Variants in CCDC141 observed in about 807,000 individuals in gnomAD.
CCDC141 encodes the protein coiled-coil domain containing 141, also known as coiled-coil domain-containing protein 141.
CCDC141 carries 168 observed loss-of-function variants against 181.0 expected under a neutral mutation model. The ratio of observed to expected loss-of-function variants is 0.93; its 90% CI spans 0.82 to 1.05. The LOEUF (loss-of-function observed/expected upper bound fraction) is 1.05. Among genes scored for constraint, CCDC141 ranks in the 50% least tolerant of loss-of-function variants. The pLI is 0.00. For missense variants in CCDC141, 1,902 were observed against 1,788.5 expected, an observed-to-expected ratio of 1.06 and a Z score of -1.14; for synonymous variants, 666 against 642.3, an observed-to-expected ratio of 1.04 and a Z score of -0.56.
At chr2:178,965,994 C>A (rs113188283) in intron 4 of CCDC141, among the ~76,000 whole-genome samples, 2,320 of 152,300 alleles carry the variant, frequency 0.015, 57 homozygotes, top group African/African-American at 0.053. Context: ...ACAGTGTAAA[C>A]AAAGCCACTG....
chr2:178,954,041 C>T (rs368369278), intron 5 of CCDC141, among the ~76,000 whole-genome samples: 1 of 152,114 alleles, frequency 6.6e-6, no homozygotes, highest in African/African-American at 2.4e-5. Flanking sequence ...TCCTTCCTGC[C>T]CCTAAAGGTG....
intron 8 of CCDC141, among the ~76,000 whole-genome samples, chr2:178,889,223 AGC>A (rs1687033288): frequency 6.6e-6 from 1 of 151,560 alleles, no homozygotes; most frequent in Non-Finnish European, 1.5e-5. Flanking sequence ...AAAAAAAAGA[AGC>A]CATGCCTCAC....
chr2:178,963,174 A>G (rs1690480766), intron 4 of CCDC141, among the ~76,000 whole-genome samples: 1 of 152,186 alleles, frequency 6.6e-6, no homozygotes, highest in Admixed American at 6.5e-5. Flanking sequence ...TACAAATGTT[A>G]GAGATCAGAA....
chr2:178,868,144 T>A lies in CCDC141; in HGVS notation c.2456A>T (p.Asp819Val). The part of the protein sequence containing the change: ...EFVEQPKELG[D>V]AHDVQIHLRC... The stretch of plus-strand genomic sequence containing the variant: ...GAGGTGAATCTGCACATCATGGGCA[T>A]CACCCAGTTCCTTCGGCTGCTCTAC... Residue 819 changes from aspartate (D) to valine (V), a missense_variant, in exon 16 of 24, where the codon GAT becomes GTT. Asp to Val is a radical substitution (Grantham distance 152, BLOSUM62 -3). Coordinates refer to ENST00000443758, the MANE Select transcript of CCDC141 (RefSeq NM_173648.4). The A allele has an allele frequency of 6.2e-7, 1 of 1,614,072 alleles. No homozygotes were observed.
the CCDC141 span, among the ~76,000 whole-genome samples, chr2:178,823,873 T>C: frequency 6.6e-6 from 1 of 152,284 alleles, no homozygotes; most frequent in South Asian, 2.1e-4. Context: ...AGAGCATGCA[T>C]ATAAGTAACT....
intron 4 of CCDC141, 70 bp downstream of exon 4, chr2:178,974,987 A>C (rs977771211): frequency 1.4e-6 from 1 of 702,230 alleles, no homozygotes; most frequent in South Asian, 2.4e-5. Flanking sequence ...ACTATCATAC[A>C]TAAGCATTCT....
intron 2 of CCDC141, among the ~76,000 whole-genome samples, chr2:178,978,933 C>T (rs1016273782): frequency 2.0e-5 from 3 of 152,152 alleles, no homozygotes; most frequent in Admixed American, 6.5e-5. Flanking sequence ...GTCAAAGACA[C>T]ATGTCTACAT....
intron 5 of CCDC141, among the ~76,000 whole-genome samples, chr2:178,960,986 T>C (rs1018128912): frequency 6.6e-6 from 1 of 152,228 alleles, no homozygotes; most frequent in African/African-American, 2.4e-5. Flanking sequence ...AATACATTCA[T>C]TCTCAAAACT....
In CCDC141 at chr2:178,855,489, A is replaced by G. The variant is rs763225892; in HGVS notation, c.2918T>C (p.Leu973Ser). The change falls in exon 19 of 24, where the codon TTA (leucine) becomes TCA (serine). Residue 973 changes from leucine (L) to serine (S), a missense_variant. By Grantham distance (145) the Leu-to-Ser change is moderately radical (BLOSUM62 -2). Coordinates refer to ENST00000443758, the MANE Select transcript of CCDC141 (RefSeq NM_173648.4). ...ATTAACTTTATCACTTGGATAATTT[A>G]AGAAAGAATCAGAGGTTTTATTACT... is the stretch of plus-strand genomic sequence containing the variant. ...KVSNKTSDSF[L>S]NYPSDKVNVL... 3.7e-6 allele frequency: 6 copies of G among 1,607,308 alleles called. No homozygotes were observed. In the African/African-American group the frequency reaches 6.7e-5, roughly 18 times the overall value.
At chr2:178,938,269 G>A (rs187064907) in intron 6 of CCDC141, among the ~76,000 whole-genome samples, 1 of 152,216 alleles carries the variant, frequency 6.6e-6, no homozygotes, top group Admixed American at 6.5e-5. Context: ...CCTTAGCTGT[G>A]TCCCAGAGAT....
intron 22 of CCDC141, among the ~76,000 whole-genome samples, chr2:178,839,414 A>C (rs1213763197): frequency 1.2e-5 from 1 of 81,212 alleles, no homozygotes; most frequent in East Asian, 2.3e-4. Context: ...CTCTGTCTCA[A>C]AAAAAAAAAA....
intron 2 of CCDC141, among the ~76,000 whole-genome samples, chr2:179,034,721 T>C (rs894050225): frequency 2.0e-5 from 3 of 152,188 alleles, no homozygotes; most frequent in Admixed American, 2.0e-4. Context: ...TTGGATGTTA[T>C]TGATATTTTG....
intron 8 of CCDC141, among the ~76,000 whole-genome samples, chr2:178,891,189 T>C (rs992335037): frequency 6.6e-6 from 1 of 152,168 alleles, no homozygotes; most frequent in African/African-American, 2.4e-5. Context: ...GTTTGTACCA[T>C]AAAATTCCAT....
At chr2:178,814,996 G>C in the CCDC141 span, among the ~76,000 whole-genome samples, 2 of 151,936 alleles carry the variant, frequency 1.3e-5, no homozygotes, top group African/African-American at 4.8e-5. Flanking sequence ...AACAGGAACA[G>C]AGGAAAGGCC....
intron 4 of CCDC141, among the ~76,000 whole-genome samples, chr2:178,967,973 A>G (rs942355446): frequency 3.3e-5 from 5 of 152,192 alleles, no homozygotes; most frequent in Non-Finnish European, 5.9e-5. Context: ...ACCAACAAAG[A>G]TCAGAAGAGA....
At chr2:178,942,527 A>T (rs1689564021) in intron 6 of CCDC141, among the ~76,000 whole-genome samples, 1 of 152,196 alleles carries the variant, frequency 6.6e-6, no homozygotes, top group Admixed American at 6.5e-5. Context: ...CAGAGCGCAG[A>T]GGAGTTTTAG....
intron 15 of CCDC141, 144 bp downstream of exon 15, chr2:178,868,973 T>C (rs148148544): frequency 1.6e-5 from 8 of 498,838 alleles, no homozygotes; most frequent in Admixed American, 1.2e-4. Flanking sequence ...AATAGGAACA[T>C]AGTGAGAGAA....
intron 6 of CCDC141, among the ~76,000 whole-genome samples, chr2:178,936,792 C>CATT (rs758077951): frequency 3.9e-5 from 6 of 151,986 alleles, no homozygotes; most frequent in Non-Finnish European, 8.8e-5. Flanking sequence ...CCCTAATTCT[C>CATT]ATTGTAGAGA....
At chr2:178,941,033 T>A (rs149648824) in intron 6 of CCDC141, among the ~76,000 whole-genome samples, 3 of 152,248 alleles carry the variant, frequency 2.0e-5, no homozygotes, top group African/African-American at 7.2e-5. Flanking sequence ...TTTTCTGTCA[T>A]GACCATGGAT....
Sources: allele counts gnomAD v4.1 joint callset (sites outside exome capture counted in the v4.1 genomes callset), GRCh38; gene constraint gnomAD v4.1.1; transcripts MANE v1.5; gene names NCBI Gene and HGNC (gene_info 2026-07-23, HGNC 2026-07-21).